The following SOX6 variants were observed in gnomAD, a reference collection of about 807,000 sequenced individuals.
The protein encoded by SOX6 is transcription factor SOX-6.
Under a neutral mutation model 97.8 loss-of-function variants are expected in SOX6, and 11 were observed. The observed-to-expected ratio is 0.11, with a 90% CI of 0.07 to 0.19. The LOEUF (loss-of-function observed/expected upper bound fraction) is 0.19. SOX6 is among the 10% of genes least tolerant of loss of function. The pLI is 1.00. For synonymous variants in SOX6, 360 were observed against 371.4 expected (o/e 0.97, Z 0.35); for missense variants, 810 against 1,039.5 (o/e 0.78, Z 3.04).
chr11:16,454,853 A>C (rs1270222427), intron 1 of SOX6, among the ~76,000 whole-genome samples: 1 of 152,120 alleles, frequency 6.6e-6, no homozygotes, highest in Non-Finnish European at 1.5e-5. Context: ...TATTTAAAAC[A>C]TACTTCTAAT....
intron 4 of SOX6, among the ~76,000 whole-genome samples, chr11:16,494,144 G>A (rs1274118935): frequency 2.6e-5 from 4 of 152,062 alleles, no homozygotes; most frequent in Non-Finnish European, 5.9e-5. Flanking sequence ...GGGAGGCCGA[G>A]GTGGGCAGAT....
intron 4 of SOX6, among the ~76,000 whole-genome samples, chr11:16,215,837 T>G (rs773172840): frequency 2.0e-5 from 3 of 152,222 alleles, no homozygotes; most frequent in Non-Finnish European, 4.4e-5. Context: ...ATATAGAGGA[T>G]GATCACTGTT....
At chr11:16,037,814 G>T (rs1179812875) in intron 12 of SOX6, among the ~76,000 whole-genome samples, 2 of 152,096 alleles carry the variant, frequency 1.3e-5, no homozygotes, top group Non-Finnish European at 2.9e-5. Flanking sequence ...GATTAAATGT[G>T]CCCCATCCAC....
intron 9 of SOX6, among the ~76,000 whole-genome samples, chr11:16,091,836 A>G (rs144164371): frequency 1.9e-3 from 291 of 152,124 alleles, no homozygotes; most frequent in African/African-American, 6.8e-3. Context: ...TTCTTATACA[A>G]TTCTTTCATT....
intron 4 of SOX6, chr11:16,484,062 G>A (rs566863850): frequency 1.0e-5 from 8 of 775,596 alleles, no homozygotes; most frequent in African/African-American, 8.5e-5. Context: ...GCTGTAGGCA[G>A]TCACCACAAT....
At chr11:16,464,535 C>G (rs770906532) in intron 1 of SOX6, among the ~76,000 whole-genome samples, 1 of 151,830 alleles carries the variant, frequency 6.6e-6, no homozygotes, top group Non-Finnish European at 1.5e-5. Flanking sequence ...ATTCATTACA[C>G]TGTAAGTCAC....
intron 6 of SOX6, among the ~76,000 whole-genome samples, chr11:16,182,828 C>A (rs962563182): frequency 2.0e-5 from 3 of 151,618 alleles, no homozygotes; most frequent in African/African-American, 4.8e-5. Flanking sequence ...CAAAATGAAG[C>A]AAGGATCGAA....
intron 1 of SOX6, among the ~76,000 whole-genome samples, chr11:16,400,577 T>C (rs766323449): frequency 6.6e-6 from 1 of 151,462 alleles, no homozygotes; most frequent in Non-Finnish European, 1.5e-5. Context: ...TTAAAAATGT[T>C]CTCCAAGACT....
chr11:16,340,698 T>C (rs754151379), intron 2 of SOX6, among the ~76,000 whole-genome samples: 1 of 152,090 alleles, frequency 6.6e-6, no homozygotes, highest in Non-Finnish European at 1.5e-5. Flanking sequence ...CTCATACCTA[T>C]TTTATGATAT....
chr11:16,666,439 C>T (rs1847807407), intron 3 of SOX6, among the ~76,000 whole-genome samples: 1 of 152,088 alleles, frequency 6.6e-6, no homozygotes, highest in Non-Finnish European at 1.5e-5. Context: ...CTGAATAATG[C>T]ATCAGAGTCT....
At chr11:16,528,011 A>C (rs1393236940) in intron 4 of SOX6, among the ~76,000 whole-genome samples, 1 of 152,144 alleles carries the variant, frequency 6.6e-6, no homozygotes, top group East Asian at 1.9e-4. Flanking sequence ...TGGTGGATGC[A>C]GGTCAGCTTC....
chr11:16,050,981 A>T (rs1334628949), intron 10 of SOX6, among the ~76,000 whole-genome samples: 1 of 152,082 alleles, frequency 6.6e-6, no homozygotes, highest in Non-Finnish European at 1.5e-5. Flanking sequence ...AGAGTTTGGT[A>T]ACAGAACATT....
intron 3 of SOX6, among the ~76,000 whole-genome samples, chr11:16,247,282 G>T (rs1301295269): frequency 2.0e-5 from 3 of 152,010 alleles, no homozygotes; most frequent in African/African-American, 4.8e-5. Context: ...GTGTATATGT[G>T]CCATGTACCA....
intron 9 of SOX6, among the ~76,000 whole-genome samples, chr11:16,072,045 A>G (rs1003475727): frequency 9.9e-5 from 15 of 152,204 alleles, no homozygotes; most frequent in African/African-American, 3.4e-4. Context: ...TTACCTTCAA[A>G]TGACCACACT....
intron 2 of SOX6, among the ~76,000 whole-genome samples, chr11:16,320,214 C>A (rs1319380725): frequency 6.6e-6 from 1 of 152,080 alleles, no homozygotes; most frequent in Non-Finnish European, 1.5e-5. Context: ...AGTAAATCAG[C>A]CAGTCTTTTA....
intron 1 of SOX6, among the ~76,000 whole-genome samples, chr11:16,350,051 C>T (rs1437246972): frequency 2.0e-5 from 3 of 152,148 alleles, no homozygotes; most frequent in Admixed American, 6.6e-5. Flanking sequence ...GGGGGAGGCA[C>T]TGACTACACC....
chr11:16,516,499 A>C (rs909468910), intron 4 of SOX6, among the ~76,000 whole-genome samples: 8 of 152,256 alleles, frequency 5.3e-5, no homozygotes, highest in Admixed American at 5.2e-4. Context: ...AGGGGATATC[A>C]CCACCGATCC....
intron 6 of SOX6, among the ~76,000 whole-genome samples, chr11:16,131,499 G>A (rs141381727): frequency 7.7e-4 from 117 of 152,072 alleles, no homozygotes; most frequent in African/African-American, 2.7e-3. Flanking sequence ...ATACATTGCT[G>A]GTTGGAATTA....
chr11:16,682,274 T>C (rs1847934133), intron 3 of SOX6, among the ~76,000 whole-genome samples: 1 of 152,134 alleles, frequency 6.6e-6, no homozygotes, highest in Non-Finnish European at 1.5e-5. Flanking sequence ...GAGCTGAGAT[T>C]GCACCACTGC....
Sources: allele counts gnomAD v4.1 joint callset (sites outside exome capture counted in the v4.1 genomes callset), GRCh38; gene constraint gnomAD v4.1.1; transcripts MANE v1.5; gene names NCBI Gene and HGNC (gene_info 2026-07-23, HGNC 2026-07-21).